The following GLP1R variants were observed in gnomAD, a reference collection of about 807,000 sequenced individuals.
GLP1R encodes the protein glucagon like peptide 1 receptor, also known as glucagon-like peptide 1 receptor.
In GLP1R, 32 loss-of-function variants were observed where a neutral mutation model predicts 68.4. That is an observed-to-expected ratio of 0.47 (90% CI 0.35 to 0.63). The LOEUF is 0.63. Among genes scored for constraint, GLP1R ranks in the 20% least tolerant of loss-of-function variants. The pLI is 0.00. For missense variants in GLP1R, 502 were observed against 594.9 expected (o/e 0.84, Z 1.62); for synonymous variants, 263 against 244.4 (o/e 1.08, Z -0.71).
At position 39,086,186 on chromosome 6, in the gene GLP1R, CACACACACACACACACACAT is replaced by C; in HGVS notation, c.*117_*136del. The C allele has an allele frequency of 1.4e-6, 1 of 709,304 alleles. No homozygotes were observed. 43.9% of individuals were successfully genotyped at this position (709,304 alleles called of 1,614,324 possible). Reference sequence around the variant, plus strand: ...GAAGGGACACACACACACACACACACACACACACACACACACACATACATCCTGCTTTCCCTCCCCAAACC... The same window carrying C: ...GAAGGGACACACACACACACACACACACATCCTGCTTTCCCTCCCCAAACC... On this transcript the variant is annotated 3_prime_UTR_variant, in exon 13 of 13. Coordinates refer to ENST00000373256, the MANE Select transcript of GLP1R (RefSeq NM_002062.5). The surrounding 1 kb of genome is among the most constrained non-coding windows in gnomAD (Gnocchi z 4.5).
At position 39,086,333 on chromosome 6, in the gene GLP1R, A is replaced by G. The variant is rs1353251408; in HGVS notation, c.*260A>G. 5.0e-6 allele frequency: 2 copies of G among 402,144 alleles called. No individual in the cohort carries two copies. The highest frequency in any genetic ancestry group is 7.7e-5 in the East Asian group (2 of 26,082). The allele number at this position is 402,144 out of a possible 1,614,324, so 24.9% of individuals were successfully genotyped here. A position where few individuals can be genotyped will look rare whatever the true frequency, so the allele number is the denominator to read the frequency against. On this transcript the variant is annotated 3_prime_UTR_variant, in exon 13 of 13. Coordinates refer to ENST00000373256, the MANE Select transcript of GLP1R (RefSeq NM_002062.5). This position sits in a 1 kb window ranked among gnomAD's most constrained non-coding sequence, Gnocchi z 4.5. The stretch of plus-strand genomic sequence containing the variant: ...GATCACAGTGGCGAGAGGAGAGGAA[A>G]AACGATCGCTGTGAAAATGAGGAGG...
In GLP1R at chr6:39,088,087, C is replaced by T. The variant is rs1769195999; in HGVS notation, c.*2014C>T. ...GAGAGGGATTGTAGGGAAGAAGTTG[C>T]TTAGTTAGGCACCTGGGAAGCTCAA... On this transcript the variant is annotated 3_prime_UTR_variant, in exon 13 of 13. Coordinates refer to ENST00000373256, the MANE Select transcript of GLP1R (RefSeq NM_002062.5). Among the ~76,000 whole-genome samples the T allele has an allele frequency of 6.6e-6, 1 of 152,108 alleles. No individual in the cohort carries two copies. The highest frequency in any genetic ancestry group is 1.5e-5 in the Non-Finnish European group (1 of 68,026).
At chr6:39,067,622 A>G (rs1272087944) in intron 5 of GLP1R, among the ~76,000 whole-genome samples, 1 of 152,188 alleles carries the variant, frequency 6.6e-6, no homozygotes, top group South Asian at 2.1e-4. Flanking sequence ...TTTCAACATG[A>G]ATTTTGGAGT....
At chr6:39,072,658 C>T (rs900086535) in intron 5 of GLP1R, among the ~76,000 whole-genome samples, 5 of 152,142 alleles carry the variant, frequency 3.3e-5, no homozygotes, top group African/African-American at 9.7e-5. Context: ...GACTACATAG[C>T]GGAAGCCTTC....
intron 6 of GLP1R, among the ~76,000 whole-genome samples, 158 bp downstream of exon 6, chr6:39,073,173 G>A (rs1322440844): frequency 6.6e-6 from 1 of 152,168 alleles, no homozygotes; most frequent in Non-Finnish European, 1.5e-5. Context: ...TTCGCCTTGG[G>A]ACCCTCCAGT....
chr6:39,085,545 C>G (rs1174919973), intron 12 of GLP1R, among the ~76,000 whole-genome samples: 2 of 152,232 alleles, frequency 1.3e-5, no homozygotes, highest in Non-Finnish European at 2.9e-5. Flanking sequence ...GCTGTAAAGA[C>G]AGAGTCTCTC....
Position 39,080,744 on chromosome 6 carries a change from G to C in GLP1R, c.1224+5G>C. 1 of 1,582,680 alleles carries C rather than the reference G, an allele frequency of 6.3e-7. No homozygotes were observed. The highest frequency in any genetic ancestry group is 8.6e-7 in the Non-Finnish European group (1 of 1,160,460). On this transcript the variant is annotated splice_donor_5th_base_variant and intron_variant, in intron 12 of 12. Transcript: ENST00000373256. ...TACTGCTTTGTCAACAATGAGGTAA[G>C]CTCTGAGGAGGGACGGTGGGGACCC...
Position 39,078,869 on chromosome 6 carries a change from T to G in GLP1R, c.885-88T>G, listed in dbSNP as rs1768909703. On this transcript the variant is annotated intron_variant, in intron 8 of 12. Coordinates refer to ENST00000373256, the MANE Select transcript of GLP1R (RefSeq NM_002062.5). ...GTGTGTGTGGCACTCAACATGGCCA[T>G]GTGCATTGGCGGCCTCTGTGCCTGC... 3 of 1,095,834 alleles carry G rather than the reference T, an allele frequency of 2.7e-6. No homozygotes were observed. In the East Asian group the frequency reaches 7.1e-5, roughly 26 times the overall value. 67.9% of individuals were successfully genotyped at this position (1,095,834 alleles called of 1,614,324 possible).
In GLP1R at chr6:39,079,332, G is replaced by T; in HGVS notation, c.1043+132G>T. Reference sequence around the variant, plus strand: ...TACCCTCTCCTTCCACCCAGGCCTGGCCTTGGACCCCAAACCCTTGCTTTT... The same window carrying T: ...TACCCTCTCCTTCCACCCAGGCCTGTCCTTGGACCCCAAACCCTTGCTTTT... On this transcript the variant is annotated intron_variant, in intron 10 of 12. Transcript: ENST00000373256. The surrounding 1 kb of genome is among the most constrained non-coding windows in gnomAD (Gnocchi z 4.5). The T allele has an allele frequency of 1.2e-6, 1 of 832,394 alleles. No individual in the cohort carries two copies. The allele number at this position is 832,394 out of a possible 1,614,324, so 51.6% of individuals were successfully genotyped here. A position where few individuals can be genotyped will look rare whatever the true frequency, so the allele number is the denominator to read the frequency against.
chr6:39,053,299 G>A lies in GLP1R; in HGVS notation c.79-3098G>A, dbSNP rs182597676. 7.9e-5 allele frequency among the ~76,000 whole-genome samples: 12 copies of A among 152,332 alleles called. No homozygotes were observed. The East Asian group carries it at 2.3e-3, about 29-fold the overall frequency. On this transcript the variant is annotated intron_variant, in intron 1 of 12. Transcript: ENST00000373256. ...TGAAATGGAGGAGTGGGGGACACTG[G>A]TGGGCAGGGCCTTGCCCCTCCTCAC...
Position 39,079,758 on chromosome 6 carries a change from G to C in GLP1R, c.1182+56G>C. 1 of 1,471,618 alleles carries C rather than the reference G, an allele frequency of 6.8e-7. No individual in the cohort carries two copies. The highest frequency in any genetic ancestry group is 9.4e-7 in the Non-Finnish European group (1 of 1,058,338). The allele number at this position is 1,471,618 out of a possible 1,614,324, so 91.2% of individuals were successfully genotyped here. On this transcript the variant is annotated intron_variant, in intron 11 of 12. Transcript: ENST00000373256. This position sits in a 1 kb window ranked among gnomAD's most constrained non-coding sequence, Gnocchi z 4.5. ...AAAGTCCTAGAGTGGGGGTGGGACA[G>C]ACACCAGCCTGCATCATGCAGATGG...
chr6:39,061,351 A>G (rs1347462987), intron 3 of GLP1R, among the ~76,000 whole-genome samples: 2 of 152,162 alleles, frequency 1.3e-5, no homozygotes, highest in East Asian at 3.8e-4. Context: ...CAAACAGCTG[A>G]TCTGCTTGTT....
rs1352145873 is a variant in GLP1R at position 39,079,134 on chromosome 6, G to A, written c.977G>A (p.Arg326Gln). The part of the protein sequence containing the change: ...AIGVNFLIFV[R>Q]VICIVVSKLK... ...CAGGTGAACTTCCTCATCTTTGTTC[G>A]GGTCATCTGCATCGTGGTATCCAAA... Residue 326 changes from arginine (R) to glutamine (Q), a missense_variant, in exon 10 of 13, where the codon CGG becomes CAG. Coordinates refer to ENST00000373256, the MANE Select transcript of GLP1R (RefSeq NM_002062.5). The surrounding 1 kb of genome is among the most constrained non-coding windows in gnomAD (Gnocchi z 4.5). The A allele has an allele frequency of 4.3e-6, 7 of 1,614,016 alleles. No individual in the cohort carries two copies. The highest frequency in any genetic ancestry group is 1.7e-4 in the Middle Eastern group (1 of 6,058).
In GLP1R at chr6:39,080,759, G is replaced by A. The variant is rs200305484; in HGVS notation, c.1224+20G>A. On this transcript the variant is annotated intron_variant, in intron 12 of 12. Coordinates refer to ENST00000373256, the MANE Select transcript of GLP1R (RefSeq NM_002062.5). Reference sequence around the variant, plus strand: ...AATGAGGTAAGCTCTGAGGAGGGACGGTGGGGACCCTGGTGGGTGGGTACC... The same window carrying A: ...AATGAGGTAAGCTCTGAGGAGGGACAGTGGGGACCCTGGTGGGTGGGTACC... The A allele has an allele frequency of 3.4e-5, 53 of 1,544,768 alleles. No homozygotes were observed. The highest frequency in any genetic ancestry group is 2.5e-4 in the African/African-American group (18 of 72,350).
chr6:39,084,110 C>CA (rs1769085389), intron 12 of GLP1R, among the ~76,000 whole-genome samples: 1 of 152,020 alleles, frequency 6.6e-6, no homozygotes, highest in Non-Finnish European at 1.5e-5. Flanking sequence ...GGCAGGAGGC[C>CA]AGGGGTTAGG....
intron 3 of GLP1R, among the ~76,000 whole-genome samples, chr6:39,063,926 AACACACACACAC>A (rs530782175): frequency 1.0e-4 from 13 of 130,240 alleles, no homozygotes; most frequent in African/African-American, 2.4e-4. Flanking sequence ...ACAGACACAT[AACACACACACAC>A]ACACACACAC....
At chr6:39,071,082 C>T (rs1768648993) in intron 5 of GLP1R, among the ~76,000 whole-genome samples, 1 of 152,098 alleles carries the variant, frequency 6.6e-6, no homozygotes, top group African/African-American at 2.4e-5. Flanking sequence ...TGCGGTGGCT[C>T]ACGCCAGTAA....
intron 3 of GLP1R, among the ~76,000 whole-genome samples, chr6:39,058,632 G>T (rs984761918): frequency 1.9e-5 from 2 of 103,820 alleles, no homozygotes; most frequent in South Asian, 3.3e-4. Flanking sequence ...GGGGAGAAAA[G>T]ATATTTCCCT....
Position 39,050,012 on chromosome 6 carries a change from G to C in GLP1R, c.78+1094G>C, listed in dbSNP as rs192382433. ...GTCCCAGAACCATTGCCTTGGTGAG[G>C]GCAGACTCCACCTCGGCGGAAACCC... On this transcript the variant is annotated intron_variant, in intron 1 of 12. Transcript: ENST00000373256. Among the ~76,000 whole-genome samples, 6 of 152,238 alleles carry C rather than the reference G, an allele frequency of 3.9e-5. No individual in the cohort carries two copies. The East Asian group carries it at 1.2e-3, about 29-fold the overall frequency.
Sources: allele counts gnomAD v4.1 joint callset (sites outside exome capture counted in the v4.1 genomes callset), GRCh38; gene constraint gnomAD v4.1.1; non-coding constraint Gnocchi (gnomAD v3.1); transcripts MANE v1.5; gene names NCBI Gene and HGNC (gene_info 2026-07-23, HGNC 2026-07-21).